CNNM1: variants seen among roughly 807,000 people sequenced by gnomAD.
CNNM1 encodes metal transporter CNNM1.
In CNNM1, 44 loss-of-function variants were observed where a neutral mutation model predicts 78.8. That is an observed-to-expected ratio of 0.56 (90% CI 0.44 to 0.72). CNNM1 has a LOEUF of 0.72. CNNM1 is among the 30% of genes least tolerant of loss of function. CNNM1 has a pLI of 0.00. For synonymous variants in CNNM1, 584 were observed against 581.5 expected (o/e 1.00, Z -0.06); for missense variants, 1,101 against 1,292.2 (o/e 0.85, Z 2.27).
intron 1 of CNNM1, among the ~76,000 whole-genome samples, chr10:99,331,808 T>A (rs564243926): frequency 2.0e-5 from 3 of 152,250 alleles, no homozygotes; most frequent in East Asian, 3.9e-4. Context: ...TGTGGTCCTG[T>A]GAAATAGGAT....
At position 99,329,359 on chromosome 10, in the gene CNNM1, G is replaced by T. The variant is rs1410700031; in HGVS notation, c.-29G>T. The T allele has an allele frequency of 5.2e-6, 3 of 573,134 alleles. No individual in the cohort carries two copies. In the East Asian group the frequency reaches 1.0e-4, roughly 20 times the overall value. 35.5% of individuals were successfully genotyped at this position (573,134 alleles called of 1,614,324 possible). On this transcript the variant is annotated 5_prime_UTR_variant, in exon 1 of 11. Coordinates refer to ENST00000356713, the MANE Select transcript of CNNM1 (RefSeq NM_020348.3). The stretch of plus-strand genomic sequence containing the variant: ...TCCAGCTCTCGCTCGGCTTCCTGCA[G>T]TATCACGTGCAGCTGCGCTGGGTGC...
chr10:99,364,412 TCCA>T lies in CNNM1; in HGVS notation c.2029-4_2029-2del. 2.5e-6 allele frequency: 4 copies of T among 1,601,244 alleles called. No homozygotes were observed. Among genetic ancestry groups the T allele is most frequent in the Admixed American group, 1.7e-5 (1 of 58,104 alleles). On this transcript the variant is annotated splice_acceptor_variant and splice_polypyrimidine_tract_variant and intron_variant, in intron 4 of 10. Transcript: ENST00000356713. LOFTEE classifies it high-confidence loss of function. ...CATAGTACACTTCCTTTTTTTTTTT[TCCA>T]GGGTAAAGTGGAGGTGGAGGTTGGT...
intron 9 of CNNM1, 122 bp from the exon 10 acceptor site, chr10:99,390,184 C>G: frequency 4.3e-6 from 3 of 695,294 alleles, no homozygotes; most frequent in Non-Finnish European, 7.5e-6. Flanking sequence ...GTTACACCAC[C>G]CTCACCTTGG....
intron 1 of CNNM1, among the ~76,000 whole-genome samples, chr10:99,341,021 C>T (rs1040152494): frequency 9.2e-5 from 14 of 151,926 alleles, no homozygotes; most frequent in African/African-American, 3.1e-4. Flanking sequence ...GTAGGCGACA[C>T]CAAGCAATAA....
intron 7 of CNNM1, among the ~76,000 whole-genome samples, chr10:99,381,563 G>A (rs749914314): frequency 6.6e-6 from 1 of 151,868 alleles, no homozygotes; most frequent in South Asian, 2.1e-4. Context: ...CCAACATGGC[G>A]AAACCCCATC....
intron 4 of CNNM1, among the ~76,000 whole-genome samples, chr10:99,363,207 T>A (rs1258100060): frequency 6.6e-6 from 1 of 152,232 alleles, no homozygotes; most frequent in African/African-American, 2.4e-5. Flanking sequence ...AGAAATGGTC[T>A]CTTTGTTACT....
chr10:99,349,868 G>A (rs185674467), intron 1 of CNNM1, among the ~76,000 whole-genome samples: 95 of 152,198 alleles, frequency 6.2e-4, no homozygotes, highest in African/African-American at 2.1e-3. Flanking sequence ...GCGTGGTGGC[G>A]TGTGCCTGTA....
rs1267996839 is a variant in CNNM1 at position 99,391,618 on chromosome 10, AG to A, written c.*103del. The A allele has an allele frequency of 3.1e-6, 3 of 952,826 alleles. No homozygotes were observed. Among genetic ancestry groups the A allele is most frequent in the Non-Finnish European group, 4.8e-6 (3 of 620,322 alleles). The allele number at this position is 952,826 out of a possible 1,614,324, so 59.0% of individuals were successfully genotyped here. A position where few individuals can be genotyped will look rare whatever the true frequency, so the allele number is the denominator to read the frequency against. Reference sequence around the variant, plus strand: ...TCCCCCAAGGCCTCCCACAGGTGACAGAATGTTCTGCCTTCCCTTCCATCTC... The same window carrying A: ...TCCCCCAAGGCCTCCCACAGGTGACAAATGTTCTGCCTTCCCTTCCATCTC... On this transcript the variant is annotated 3_prime_UTR_variant, in exon 11 of 11. Coordinates refer to ENST00000356713, the MANE Select transcript of CNNM1 (RefSeq NM_020348.3).
rs544585752 is a variant in CNNM1, at chr10:99,386,815, G to A, written c.2341-1005G>A. 2.0e-5 allele frequency among the ~76,000 whole-genome samples: 3 copies of A among 152,238 alleles called. No individual in the cohort carries two copies. The South Asian group carries it at 6.2e-4, about 32-fold the overall frequency. On this transcript the variant is annotated intron_variant, in intron 7 of 10. Coordinates refer to ENST00000356713, the MANE Select transcript of CNNM1 (RefSeq NM_020348.3). ...CAGCAGAAATCTTTTCTCTTTCAACGTGTAATACCAATTCTGCCCCAAAGG... is the reference window on the plus strand; with the variant it reads ...CAGCAGAAATCTTTTCTCTTTCAACATGTAATACCAATTCTGCCCCAAAGG...
At chr10:99,372,808 C>G (rs2031845535) in intron 6 of CNNM1, among the ~76,000 whole-genome samples, 2 of 152,192 alleles carry the variant, frequency 1.3e-5, no homozygotes, top group Admixed American at 1.3e-4. Context: ...GCGCAATACT[C>G]AGAGGGGCCG....
chr10:99,356,562 C>CAGAAAGAAAGAAAGAAAGAA (rs71009746), intron 1 of CNNM1, among the ~76,000 whole-genome samples: 2 of 98,442 alleles, frequency 2.0e-5, no homozygotes, highest in African/African-American at 4.0e-5. Context: ...GACAGACAGA[C>CAGAAAGAAAGAAAGAAAGAA]AGAAAGAAAG....
At position 99,358,989 on chromosome 10, in the gene CNNM1, A is replaced by G. The variant is rs1200011488; in HGVS notation, c.1717+1334A>G. On this transcript the variant is annotated intron_variant, in intron 2 of 10. Coordinates refer to ENST00000356713, the MANE Select transcript of CNNM1 (RefSeq NM_020348.3). ...ACTCCAGCATGGGAGCCTGGGTGAC[A>G]GGGCAAGACTGTCTCAAAAAAAAAA... Among the ~76,000 whole-genome samples the G allele has an allele frequency of 6.3e-5, 8 of 126,964 alleles. No homozygotes were observed. The East Asian group carries it at 2.0e-3, about 32-fold the overall frequency. The allele number at this position is 126,964 out of a possible 152,430, so 83.3% of individuals were successfully genotyped here.
intron 6 of CNNM1, among the ~76,000 whole-genome samples, chr10:99,366,490 A>AG (rs1270642816): frequency 6.6e-6 from 1 of 151,756 alleles, no homozygotes; most frequent in African/African-American, 2.4e-5. Flanking sequence ...AAAAAAAAAA[A>AG]GAAATTGCTG....
At chr10:99,362,539 A>C in intron 4 of CNNM1, 143 bp downstream of exon 4, 1 of 765,532 alleles carries the variant, frequency 1.3e-6, no homozygotes, top group South Asian at 1.9e-5. Context: ...ACATTTCTTC[A>C]TGACCCACAG....
chr10:99,358,537 C>T (rs1276326491), intron 2 of CNNM1, among the ~76,000 whole-genome samples: 1 of 152,082 alleles, frequency 6.6e-6, no homozygotes, highest in Admixed American at 6.5e-5. Flanking sequence ...AAACTGGCTC[C>T]TGGTAGAAAG....
intron 1 of CNNM1, among the ~76,000 whole-genome samples, chr10:99,340,513 G>A (rs926716482): frequency 3.9e-4 from 59 of 151,922 alleles, no homozygotes; most frequent in African/African-American, 1.3e-3. Context: ...TGTGTTTCTC[G>A]CTCCCTTAAA....
At chr10:99,389,450 A>G (rs2032409125) in intron 9 of CNNM1, among the ~76,000 whole-genome samples, 1 of 151,880 alleles carries the variant, frequency 6.6e-6, no homozygotes, top group Non-Finnish European at 1.5e-5. Context: ...TTTAAAGTCA[A>G]CAAGACAATA....
Position 99,388,236 on chromosome 10 carries a change from C to T in CNNM1, c.2609C>T (p.Thr870Ile), listed in dbSNP as rs757064343. ...CTGGCCTTCACCCAGGAAGAAATGA[C>T]TGACTTCGAGGAGCACAGCACACAG... ...EELAFTQEEMTDFEEHSTQQL... is the reference protein window; with the variant it reads ...EELAFTQEEMIDFEEHSTQQL... The change falls in exon 9 of 11, where the codon ACT (threonine) becomes ATT (isoleucine). Residue 870 changes from threonine (T) to isoleucine (I), a missense_variant. Thr to Ile is a moderately conservative substitution (Grantham distance 89, BLOSUM62 -1). Coordinates refer to ENST00000356713, the MANE Select transcript of CNNM1 (RefSeq NM_020348.3). 1 of 1,614,008 alleles carries T rather than the reference C, an allele frequency of 6.2e-7. No homozygotes were observed.
intron 10 of CNNM1, 100 bp from the exon 11 acceptor site, chr10:99,391,337 C>T: frequency 1.2e-6 from 1 of 861,226 alleles, no homozygotes; most frequent in Non-Finnish European, 1.9e-6. Context: ...AGGGCTTTGT[C>T]TCCATTTCTG....
Sources: gnomAD v4.1 joint callset for allele counts (sites outside exome capture counted in the v4.1 genomes callset) on GRCh38, gnomAD v4.1.1 for gene constraint, MANE v1.5 for transcripts, NCBI Gene and HGNC (gene_info 2026-07-23, HGNC 2026-07-21) for gene names.